Variants in PTPRK observed in about 807,000 individuals in gnomAD.
The protein encoded by PTPRK is protein tyrosine phosphatase receptor type K.
PTPRK carries 75 observed loss-of-function variants against 178.0 expected under a neutral mutation model. That is an observed-to-expected ratio of 0.42 (90% CI 0.35 to 0.51). The LOEUF (loss-of-function observed/expected upper bound fraction) is 0.51. PTPRK is among the 20% of genes least tolerant of loss of function. The probability of loss-of-function intolerance (pLI) is 0.02; values close to 1 mark genes in which losing one functional copy is unlikely to be tolerated. For synonymous variants in PTPRK, 637 were observed against 620.6 expected (o/e 1.03, Z -0.39); for missense variants, 1,441 against 1,797.8 (o/e 0.80, Z 3.59).
intron 1 of PTPRK, among the ~76,000 whole-genome samples, chr6:128,455,965 C>A (rs1848333004): frequency 6.6e-6 from 1 of 152,072 alleles, no homozygotes; most frequent in South Asian, 2.1e-4. Flanking sequence ...ACAATGTGAT[C>A]TCCCAGCGTG....
At chr6:128,475,872 C>G (rs1454628241) in intron 1 of PTPRK, among the ~76,000 whole-genome samples, 1 of 151,966 alleles carries the variant, frequency 6.6e-6, no homozygotes, top group African/African-American at 2.4e-5. Context: ...TTTAAAAAGA[C>G]AGTATATGGC....
intron 1 of PTPRK, among the ~76,000 whole-genome samples, chr6:128,432,656 G>A (rs1844983626): frequency 6.6e-6 from 1 of 151,898 alleles, no homozygotes; most frequent in Non-Finnish European, 1.5e-5. Context: ...CTCACAAAGG[G>A]CTCAGCTGAG....
chr6:128,047,563 A>G (rs1324711825), intron 13 of PTPRK, among the ~76,000 whole-genome samples: 1 of 152,136 alleles, frequency 6.6e-6, no homozygotes, highest in East Asian at 1.9e-4. Context: ...CCACCAAAGT[A>G]CCTATGGCAA....
At chr6:128,116,549 A>T (rs1158174980) in intron 7 of PTPRK, among the ~76,000 whole-genome samples, 1 of 152,246 alleles carries the variant, frequency 6.6e-6, no homozygotes, top group Non-Finnish European at 1.5e-5. Context: ...AGAGACAAGA[A>T]TCCAAAGCTT....
intron 13 of PTPRK, among the ~76,000 whole-genome samples, chr6:128,050,628 G>T (rs1418045007): frequency 6.6e-6 from 1 of 152,108 alleles, no homozygotes; most frequent in African/African-American, 2.4e-5. Flanking sequence ...TCAAGCCAAG[G>T]TCTTTATTCT....
chr6:128,380,187 G>A (rs1421152220), intron 2 of PTPRK, among the ~76,000 whole-genome samples: 3 of 151,952 alleles, frequency 2.0e-5, no homozygotes, highest in Non-Finnish European at 4.4e-5. Flanking sequence ...AGCCTCAGGA[G>A]AGAAAAAAAT....
chr6:128,078,945 A>T (rs780436014), intron 10 of PTPRK, 27 bp from the exon 11 acceptor site: 1 of 1,464,682 alleles, frequency 6.8e-7, no homozygotes, highest in Non-Finnish European at 9.6e-7. Context: ...GAGATAAAAA[A>T]GGTTCAATTA....
intron 7 of PTPRK, among the ~76,000 whole-genome samples, chr6:128,113,342 C>A (rs1331182416): frequency 6.7e-6 from 1 of 150,258 alleles, no homozygotes; most frequent in Non-Finnish European, 1.5e-5. Context: ...TACATAATTT[C>A]TAATATAAGC....
At chr6:128,442,783 G>C (rs1048610433) in intron 1 of PTPRK, among the ~76,000 whole-genome samples, 1 of 152,136 alleles carries the variant, frequency 6.6e-6, no homozygotes, top group African/African-American at 2.4e-5. Flanking sequence ...GCATATAAAG[G>C]GTTAAGGGAA....
intron 7 of PTPRK, among the ~76,000 whole-genome samples, chr6:128,166,607 A>G (rs969616795): frequency 6.6e-6 from 1 of 151,752 alleles, no homozygotes; most frequent in Admixed American, 6.6e-5. Context: ...TTTTGCTTTT[A>G]TTACTAGTAC....
intron 1 of PTPRK, among the ~76,000 whole-genome samples, chr6:128,442,083 C>A (rs1238410721): frequency 6.6e-6 from 1 of 152,200 alleles, no homozygotes; most frequent in Non-Finnish European, 1.5e-5. Flanking sequence ...AAGATGAATA[C>A]TGCTAGACAT....
chr6:128,049,492 T>C (rs1489431220), intron 13 of PTPRK, among the ~76,000 whole-genome samples: 1 of 152,020 alleles, frequency 6.6e-6, no homozygotes, highest in Non-Finnish European at 1.5e-5. Flanking sequence ...ACTATTTACA[T>C]ATTGAGAAAA....
intron 5 of PTPRK, among the ~76,000 whole-genome samples, chr6:128,225,552 C>A (rs1054630031): frequency 6.6e-6 from 1 of 152,066 alleles, no homozygotes; most frequent in African/African-American, 2.4e-5. Context: ...ATACTATCAT[C>A]ATCACAATCA....
rs920529139 is a variant in PTPRK, at chr6:128,448,530, C to G, written c.101-50842G>C. Among the ~76,000 whole-genome samples, 6 of 152,288 alleles carry G rather than the reference C, an allele frequency of 3.9e-5. No individual in the cohort carries two copies. In the East Asian group the frequency reaches 7.7e-4, roughly 20 times the overall value. On this transcript the variant is annotated intron_variant, in intron 1 of 29. Transcript: ENST00000368226. ...CCTTATTCCTCTTTTATCCTCAGCA[C>G]TCAGCACAAAGCATGCCACATTAGG...
At chr6:128,362,688 T>A (rs1834940988) in intron 2 of PTPRK, among the ~76,000 whole-genome samples, 1 of 152,142 alleles carries the variant, frequency 6.6e-6, no homozygotes, top group African/African-American at 2.4e-5. Flanking sequence ...CCCCTGAATT[T>A]CCAGTTTGCT....
chr6:127,990,648 T>C lies in PTPRK; in HGVS notation c.3096+121A>G, dbSNP rs925102084. The C allele has an allele frequency of 1.1e-5, 7 of 659,852 alleles. No homozygotes were observed. In the African/African-American group the frequency reaches 1.3e-4, roughly 12 times the overall value. 40.9% of individuals were successfully genotyped at this position (659,852 alleles called of 1,614,324 possible). A position where few individuals can be genotyped will look rare whatever the true frequency, so the allele number is the denominator to read the frequency against. ...CATAGTAAACTCTCAAATAAACATT[T>C]GTGGAATGAATACATGAATGAATGG... On this transcript the variant is annotated intron_variant, in intron 21 of 29. Transcript: ENST00000368226.
intron 6 of PTPRK, among the ~76,000 whole-genome samples, chr6:128,203,554 T>G (rs1806349903): frequency 6.6e-6 from 1 of 152,174 alleles, no homozygotes; most frequent in South Asian, 2.1e-4. Context: ...AAAAGCTTCT[T>G]AAGCTGATAA....
chr6:127,972,143 A>G (rs1773995073), intron 29 of PTPRK, among the ~76,000 whole-genome samples: 1 of 152,216 alleles, frequency 6.6e-6, no homozygotes, highest in Non-Finnish European at 1.5e-5. Flanking sequence ...GAAGCAACGC[A>G]ACTCTTGTGC....
intron 7 of PTPRK, among the ~76,000 whole-genome samples, chr6:128,160,103 G>GTTGATATT (rs1277943099): frequency 3.3e-5 from 5 of 151,584 alleles, no homozygotes; most frequent in African/African-American, 1.2e-4. Context: ...GACAATTACT[G>GTTGATATT]TTGATATTTT....
Sources: gnomAD v4.1 joint callset for allele counts (sites outside exome capture counted in the v4.1 genomes callset) on GRCh38, gnomAD v4.1.1 for gene constraint, MANE v1.5 for transcripts, NCBI Gene and HGNC (gene_info 2026-07-23, HGNC 2026-07-21) for gene names.